The following CNTN5 variants were observed in gnomAD, a reference collection of about 807,000 sequenced individuals.
CNTN5 encodes the protein contactin 5, also known as contactin-5.
A neutral mutation model predicts 129.1 loss-of-function variants in CNTN5; 77 were observed. The ratio of observed to expected loss-of-function variants is 0.60; its 90% CI spans 0.50 to 0.72. The LOEUF (loss-of-function observed/expected upper bound fraction) is 0.72, where lower values mean the gene tolerates loss of function less well. CNTN5 is among the 30% of genes least tolerant of loss of function. The pLI is 0.00. For missense variants in CNTN5, 1,478 were observed against 1,328.8 expected (o/e 1.11, Z -1.75); for synonymous variants, 509 against 465.6 (o/e 1.09, Z -1.20).
intron 1 of CNTN5, among the ~76,000 whole-genome samples, chr11:99,305,868 C>A (rs1463966397): frequency 6.6e-6 from 1 of 151,806 alleles, no homozygotes. Context: ...GTAGTCCCAG[C>A]TACTCGGGAG....
intron 1 of CNTN5, among the ~76,000 whole-genome samples, chr11:99,142,696 G>C (rs1859580608): frequency 6.6e-6 from 1 of 152,064 alleles, no homozygotes. Context: ...GAGCCTTGGG[G>C]GATAAGCATC....
At chr11:99,444,398 A>G (rs1197048951) in intron 2 of CNTN5, among the ~76,000 whole-genome samples, 4 of 152,228 alleles carry the variant, frequency 2.6e-5, no homozygotes, top group African/African-American at 9.6e-5. Flanking sequence ...ACAAGCAAAT[A>G]TCCTAGTTAA....
At chr11:99,966,323 G>C (rs1951092263) in intron 8 of CNTN5, among the ~76,000 whole-genome samples, 1 of 152,144 alleles carries the variant, frequency 6.6e-6, no homozygotes, top group African/African-American at 2.4e-5. Context: ...AACAAAAATT[G>C]CTTGTAGGTA....
intron 2 of CNTN5, among the ~76,000 whole-genome samples, chr11:99,348,558 C>T (rs900454852): frequency 6.6e-6 from 1 of 152,202 alleles, no homozygotes. Flanking sequence ...CTCCAACCTA[C>T]AGACTGCCTT....
chr11:100,185,682 A>G (rs1336390953), intron 13 of CNTN5, among the ~76,000 whole-genome samples: 4 of 152,170 alleles, frequency 2.6e-5, no homozygotes, highest in African/African-American at 9.7e-5. Context: ...GAAGTAATTA[A>G]AGTTAAATGT....
chr11:100,122,245 T>C (rs571261682), intron 13 of CNTN5, among the ~76,000 whole-genome samples: 3 of 151,976 alleles, frequency 2.0e-5, no homozygotes, highest in Non-Finnish European at 4.4e-5. Flanking sequence ...GGTATAAGTC[T>C]TGGAGTCCCA....
chr11:100,195,181 A>C lies in CNTN5; in HGVS notation c.1884+1518A>C, dbSNP rs775002206. Among the ~76,000 whole-genome samples, 22 of 152,148 alleles carry C rather than the reference A, an allele frequency of 1.4e-4. No individual in the cohort carries two copies. The Middle Eastern group carries it at 0.01, about 71-fold the overall frequency. On this transcript the variant is annotated intron_variant, in intron 15 of 24. Transcript: ENST00000524871. ...TTTAAAATATCACATTTTGATTAAA[A>C]AATCCCATGAGAAAAATATCTTCTT...
At chr11:99,653,564 A>G (rs904957870) in intron 3 of CNTN5, among the ~76,000 whole-genome samples, 4 of 152,082 alleles carry the variant, frequency 2.6e-5, no homozygotes, top group African/African-American at 7.2e-5. Context: ...ATCCGTGTCT[A>G]TCAATACTAA....
intron 4 of CNTN5, among the ~76,000 whole-genome samples, chr11:99,826,688 C>T (rs1770651411): frequency 6.6e-6 from 1 of 152,174 alleles, no homozygotes; most frequent in Non-Finnish European, 1.5e-5. Flanking sequence ...GGAAACTGCA[C>T]GTTATATATT....
Position 99,430,469 on chromosome 11 carries a change from TAA to T in CNTN5, c.-71+104986_-71+104987del, listed in dbSNP as rs966796362. On this transcript the variant is annotated intron_variant, in intron 2 of 24. Transcript: ENST00000524871. Reference sequence around the variant, plus strand: ...TATTTATAAGGCCTTTATATATATATAAGAGATTTATATATATTTATATATTT... The same window carrying T: ...TATTTATAAGGCCTTTATATATATATGAGATTTATATATATTTATATATTT... Among the ~76,000 whole-genome samples, 13 of 149,406 alleles carry T rather than the reference TAA, an allele frequency of 8.7e-5. 1 individual carries two copies. Among genetic ancestry groups the T allele is most frequent in the South Asian group, 6.2e-4 (3 of 4,824 alleles).
intron 6 of CNTN5, among the ~76,000 whole-genome samples, chr11:99,875,861 G>T (rs1469098457): frequency 1.3e-5 from 2 of 152,032 alleles, no homozygotes; most frequent in Non-Finnish European, 1.5e-5. Context: ...TGACTTAATT[G>T]TATAAGCACT....
At chr11:99,365,609 G>A (rs1939399455) in intron 2 of CNTN5, among the ~76,000 whole-genome samples, 1 of 151,994 alleles carries the variant, frequency 6.6e-6, no homozygotes, top group Non-Finnish European at 1.5e-5. Flanking sequence ...ATAAGAAATT[G>A]GTTATTATCT....
chr11:99,831,771 G>T (rs745512633), intron 4 of CNTN5, among the ~76,000 whole-genome samples: 9 of 152,132 alleles, frequency 5.9e-5, no homozygotes, highest in Non-Finnish European at 1.2e-4. Flanking sequence ...TAGAATAAGA[G>T]AATATGATAC....
At chr11:99,084,406 T>C (rs1033413774) in intron 1 of CNTN5, among the ~76,000 whole-genome samples, 23 of 152,220 alleles carry the variant, frequency 1.5e-4, no homozygotes, top group African/African-American at 5.5e-4. Flanking sequence ...TTTTAATGTT[T>C]CCCAGAGCAT....
At chr11:99,687,998 G>C (rs1257267798) in intron 3 of CNTN5, among the ~76,000 whole-genome samples, 1 of 152,086 alleles carries the variant, frequency 6.6e-6, no homozygotes, top group African/African-American at 2.4e-5. Flanking sequence ...TTATTTTCCA[G>C]ATTTCCAGGA....
chr11:99,687,464 G>A (rs1290328751), intron 3 of CNTN5, among the ~76,000 whole-genome samples: 1 of 152,098 alleles, frequency 6.6e-6, no homozygotes, highest in African/African-American at 2.4e-5. Context: ...TAGTTAATTT[G>A]CTACTTACCC....
chr11:99,130,733 C>A (rs1858892425), intron 1 of CNTN5, among the ~76,000 whole-genome samples: 1 of 152,022 alleles, frequency 6.6e-6, no homozygotes, highest in Non-Finnish European at 1.5e-5. Context: ...TCACCAAATG[C>A]AAAACAACTG....
chr11:100,298,011 T>G (rs1463673862), intron 19 of CNTN5, among the ~76,000 whole-genome samples: 1 of 151,542 alleles, frequency 6.6e-6, no homozygotes, highest in Non-Finnish European at 1.5e-5. Context: ...TCTCATCATA[T>G]GCCTCCAAAG....
chr11:99,297,896 G>T (rs1441636939), intron 1 of CNTN5, among the ~76,000 whole-genome samples: 1 of 152,190 alleles, frequency 6.6e-6, no homozygotes, highest in African/African-American at 2.4e-5. Flanking sequence ...TCTCTAACTG[G>T]ATCCAAGCCA....
Sources: allele counts gnomAD v4.1 joint callset (sites outside exome capture counted in the v4.1 genomes callset), GRCh38; gene constraint gnomAD v4.1.1; transcripts MANE v1.5; gene names NCBI Gene and HGNC (gene_info 2026-07-23, HGNC 2026-07-21).